The following SECTM1 variants were observed in gnomAD, a reference collection of about 807,000 sequenced individuals.
SECTM1 encodes secreted and transmembrane 1, also known as secreted and transmembrane protein 1.
In SECTM1, 10 loss-of-function variants were observed where a neutral mutation model predicts 18.1. The ratio of observed to expected loss-of-function variants is 0.55; its 90% CI spans 0.34 to 0.94. SECTM1 has a LOEUF of 0.94. SECTM1 is among the 40% of genes least tolerant of loss of function. SECTM1 has a pLI of 0.02. For missense variants in SECTM1, 297 were observed against 322.6 expected, an observed-to-expected ratio of 0.92 and a Z score of 0.61; for synonymous variants, 137 against 139.2, an observed-to-expected ratio of 0.98 and a Z score of 0.11.
rs1036820429 is a variant in SECTM1, at chr17:82,325,783, G to A, written c.95-893C>T. Among the ~76,000 whole-genome samples, 17 of 152,212 alleles carry A rather than the reference G, an allele frequency of 1.1e-4. No individual in the cohort carries two copies. The highest frequency in any genetic ancestry group is 2.1e-4 in the Non-Finnish European group (14 of 68,030). ...CTGCTACTGTCCCTGCTGCGTCAGC[G>A]TCCACCAGTGACTGGACACGGACGG... On this transcript the variant is annotated intron_variant, in intron 2 of 4. Transcript: ENST00000269389. The surrounding 1 kb of genome is among the most constrained non-coding windows in gnomAD (Gnocchi z 7.6).
At chr17:82,331,734 C>G (rs1029498092) in intron 1 of SECTM1, among the ~76,000 whole-genome samples, 1 of 152,246 alleles carries the variant, frequency 6.6e-6, no homozygotes, top group Non-Finnish European at 1.5e-5. Flanking sequence ...GGCGCGGCCC[C>G]AGGGAAAGTG....
chr17:82,323,238 C>A, intron 3 of SECTM1: 1 of 558,976 alleles, frequency 1.8e-6, no homozygotes, highest in Non-Finnish European at 3.2e-6. Flanking sequence ...TGTGTCGGGG[C>A]AGCGAGGGAA....
rs142825500 is a variant in SECTM1, at chr17:82,332,397, T to C, written c.-53+1303A>G. On this transcript the variant is annotated intron_variant, in intron 1 of 4. Coordinates refer to ENST00000269389, the MANE Select transcript of SECTM1 (RefSeq NM_003004.3). ...CTCCCTGGTGCCCCGGGCGCCTGCC[T>C]GTCCCGGCTCCCATGGGTGCTGGGT... is the stretch of plus-strand genomic sequence containing the variant. Among the ~76,000 whole-genome samples, 484 of 152,270 alleles carry C rather than the reference T, an allele frequency of 3.2e-3. 10 individuals carry two copies. The highest frequency in any genetic ancestry group is 4.1e-3 in the Non-Finnish European group (280 of 68,016).
chr17:82,333,390 G>A (rs2052207880), intron 1 of SECTM1, among the ~76,000 whole-genome samples: 1 of 152,068 alleles, frequency 6.6e-6, no homozygotes, highest in Admixed American at 6.5e-5. Context: ...TCCCCACACC[G>A]GCCGGCAGCT....
rs1210469494 is a variant in SECTM1, at chr17:82,321,876, G to A, written c.*285C>T. 1.6e-5 allele frequency: 7 copies of A among 430,224 alleles called. No individual in the cohort carries two copies. The highest frequency in any genetic ancestry group is 9.7e-5 in the South Asian group (4 of 41,058). The allele number at this position is 430,224 out of a possible 1,614,324, so 26.7% of individuals were successfully genotyped here. On this transcript the variant is annotated 3_prime_UTR_variant, in exon 5 of 5. Transcript: ENST00000269389. ...CCTGGGGTGGCAGAAAGGGAGTCCG[G>A]GTCTGTGGGTTTGATGAGGGCAGAG...
Position 82,330,659 on chromosome 17 carries a change from T to C in SECTM1, c.-53+3041A>G, listed in dbSNP as rs901639691. ...GTGTCCCAAGTCTGCCCGCTGTGCATTCCATGGGGCCAGCAGCTCGGTGGA... is the reference window on the plus strand; with the variant it reads ...GTGTCCCAAGTCTGCCCGCTGTGCACTCCATGGGGCCAGCAGCTCGGTGGA... On this transcript the variant is annotated intron_variant, in intron 1 of 4. Coordinates refer to ENST00000269389, the MANE Select transcript of SECTM1 (RefSeq NM_003004.3). This position sits in a 1 kb window ranked among gnomAD's most constrained non-coding sequence, Gnocchi z 6.1. Among the ~76,000 whole-genome samples the C allele has an allele frequency of 6.6e-6, 1 of 151,842 alleles. No individual in the cohort carries two copies. The highest frequency in any genetic ancestry group is 6.5e-5 in the Admixed American group (1 of 15,268).
Position 82,330,236 on chromosome 17 carries a change from AC to A in SECTM1, c.-52-2945del, listed in dbSNP as rs1399508156. Among the ~76,000 whole-genome samples the A allele has an allele frequency of 6.6e-6, 1 of 152,026 alleles. No homozygotes were observed. The highest frequency in any genetic ancestry group is 2.4e-5 in the African/African-American group (1 of 41,384). ...CACTGCTCTCCGCACCACCCCGCCGACCGTGTCCGGGAGGGGATGCCCTGCT... is the reference window on the plus strand; with the variant it reads ...CACTGCTCTCCGCACCACCCCGCCGACGTGTCCGGGAGGGGATGCCCTGCT... On this transcript the variant is annotated intron_variant, in intron 1 of 4. Transcript: ENST00000269389. The surrounding 1 kb of genome is among the most constrained non-coding windows in gnomAD (Gnocchi z 6.1).
At chr17:82,333,443 G>C (rs1346237114) in intron 1 of SECTM1, among the ~76,000 whole-genome samples, 1 of 152,104 alleles carries the variant, frequency 6.6e-6, no homozygotes, top group Non-Finnish European at 1.5e-5. Context: ...GACCCCGCCC[G>C]CCTGGCCTGC....
At chr17:82,323,115 G>T in intron 3 of SECTM1, 104 bp from the exon 4 acceptor site, 1 of 1,336,924 alleles carries the variant, frequency 7.5e-7, no homozygotes, top group Middle Eastern at 1.9e-4. Context: ...TCCCTGGGGT[G>T]AGAATGAGCC....
At position 82,322,223 on chromosome 17, in the gene SECTM1, G is replaced by A; in HGVS notation, c.685C>T (p.Pro229Ser). 6.2e-7 allele frequency: 1 copy of A among 1,612,970 alleles called. No homozygotes were observed. The highest frequency in any genetic ancestry group is 8.5e-7 in the Non-Finnish European group (1 of 1,179,386). ...GACAGCAGCTCCAGGGCTCCAAGTG[G>A]TGAGGGTTTGAACACCAGTGCCAGC... ...RPLALVFKPS[P>S]LGALELLSPQ... The change falls in exon 5 of 5, where the codon CCA becomes TCA. Residue 229 changes from proline to serine, a missense_variant. Coordinates refer to ENST00000269389, the MANE Select transcript of SECTM1 (RefSeq NM_003004.3).
In SECTM1 at chr17:82,330,156, C is replaced by T. The variant is rs1382964222; in HGVS notation, c.-52-2864G>A. ...TCCACGATGCCAGCTCAGCCACCCACCTTGGAACCGTGCAGATGGACAGCA... is the reference window on the plus strand; with the variant it reads ...TCCACGATGCCAGCTCAGCCACCCATCTTGGAACCGTGCAGATGGACAGCA... On this transcript the variant is annotated intron_variant, in intron 1 of 4. Coordinates refer to ENST00000269389, the MANE Select transcript of SECTM1 (RefSeq NM_003004.3). The surrounding 1 kb of genome is among the most constrained non-coding windows in gnomAD (Gnocchi z 6.1). Among the ~76,000 whole-genome samples, 1 of 152,192 alleles carries T rather than the reference C, an allele frequency of 6.6e-6. No individual in the cohort carries two copies. Among genetic ancestry groups the T allele is most frequent in the Non-Finnish European group, 1.5e-5 (1 of 68,018 alleles).
In SECTM1 at chr17:82,333,749, C is replaced by CG. The variant is rs1403805453; in HGVS notation, c.-103dup. On this transcript the variant is annotated 5_prime_UTR_variant, in exon 1 of 5. Transcript: ENST00000269389. ...TCTGGGATGCAGCTTCTCCGCGCCC[C>CG]GGAGCCCCAGGAAAATGAAAGACAC... 6.6e-6 allele frequency: 1 copy of CG among 152,510 alleles called. No homozygotes were observed. The highest frequency in any genetic ancestry group is 2.4e-5 in the African/African-American group (1 of 41,404). The allele number at this position is 152,510 out of a possible 1,614,324, so 9.4% of individuals were successfully genotyped here.
At chr17:82,327,405 C>T (rs893274035) in intron 1 of SECTM1, 113 bp from the exon 2 acceptor site, 20 of 629,346 alleles carry the variant, frequency 3.2e-5, no homozygotes, top group Non-Finnish European at 5.7e-5. Flanking sequence ...AGCTCTTCCC[C>T]GACCTGCTCT....
rs2052136311 is a variant in SECTM1 at position 82,325,255 on chromosome 17, C to T, written c.95-365G>A. ...TGTGTGCCGGGCGGCTGCGCTGTGG[C>T]AGGAGTGCTGCCACTGACCTGCCGA... On this transcript the variant is annotated intron_variant, in intron 2 of 4. Coordinates refer to ENST00000269389, the MANE Select transcript of SECTM1 (RefSeq NM_003004.3). This position sits in a 1 kb window ranked among gnomAD's most constrained non-coding sequence, Gnocchi z 7.6. Among the ~76,000 whole-genome samples the T allele has an allele frequency of 6.6e-6, 1 of 152,182 alleles. No individual in the cohort carries two copies. Among genetic ancestry groups the T allele is most frequent in the Non-Finnish European group, 1.5e-5 (1 of 68,024 alleles).
chr17:82,324,556 C>T, intron 3 of SECTM1, 26 bp downstream of exon 3: 1 of 1,572,242 alleles, frequency 6.4e-7, no homozygotes, highest in Non-Finnish European at 8.7e-7. Context: ...CTCCCCTCCC[C>T]CTTGCTTCCC....
In SECTM1 at chr17:82,328,008, C is replaced by T. The variant is rs2052161897; in HGVS notation, c.-52-716G>A. On this transcript the variant is annotated intron_variant, in intron 1 of 4. Transcript: ENST00000269389. This position sits in a 1 kb window ranked among gnomAD's most constrained non-coding sequence, Gnocchi z 5.8. ...TGTCCATCAGCCTCCCCGGCCTGTC[C>T]ACCAGCCCCCCCACCACCCTGCCCG... The T allele has an allele frequency of 6.9e-6, 1 of 145,120 alleles. No homozygotes were observed. The highest frequency in any genetic ancestry group is 2.5e-5 in the African/African-American group (1 of 39,658). The allele number at this position is 145,120 out of a possible 1,614,324, so 9.0% of individuals were successfully genotyped here.
In SECTM1 at chr17:82,330,684, A is replaced by G. The variant is rs2052184379; in HGVS notation, c.-53+3016T>C. 6.7e-6 allele frequency among the ~76,000 whole-genome samples: 1 copy of G among 150,040 alleles called. No homozygotes were observed. The highest frequency in any genetic ancestry group is 1.5e-5 in the Non-Finnish European group (1 of 67,400). ...TTCCATGGGGCCAGCAGCTCGGTGG[A>G]GCCTCTGCTCTCGGGGGCTACAGCT... is the stretch of plus-strand genomic sequence containing the variant. On this transcript the variant is annotated intron_variant, in intron 1 of 4. Transcript: ENST00000269389. The surrounding 1 kb of genome is among the most constrained non-coding windows in gnomAD (Gnocchi z 6.1).
Position 82,327,307 on chromosome 17 carries a change from G to A in SECTM1, c.-52-15C>T. On this transcript the variant is annotated splice_polypyrimidine_tract_variant and intron_variant, in intron 1 of 4. Transcript: ENST00000269389. ...TGAAACACTCCCTGGAGGAAGGAAA[G>A]CCCATGGGTCAGAGCCCCCTGCAGC... 1.4e-6 allele frequency: 2 copies of A among 1,426,610 alleles called. No homozygotes were observed. The highest frequency in any genetic ancestry group is 2.1e-5 in the Admixed American group (1 of 48,758). 88.4% of individuals were successfully genotyped at this position (1,426,610 alleles called of 1,614,324 possible).
In SECTM1 at chr17:82,322,274, G is replaced by C; in HGVS notation, c.634C>G (p.Pro212Ala). The change falls in exon 5 of 5, where the codon CCA becomes GCA. Residue 212 changes from proline to alanine, a missense_variant. Pro to Ala is a conservative substitution (Grantham distance 27). Coordinates refer to ENST00000269389, the MANE Select transcript of SECTM1 (RefSeq NM_003004.3). ...LSRASAELWT[P>A]DSEPTPRPLA... Reference sequence around the variant, plus strand: ...GGCCTTGGGGTGGGCTCGGAGTCTGGGGTCCACAGTTCAGCGGAGGCTCTG... The same window carrying C: ...GGCCTTGGGGTGGGCTCGGAGTCTGCGGTCCACAGTTCAGCGGAGGCTCTG... 1 of 1,611,038 alleles carries C rather than the reference G, an allele frequency of 6.2e-7. No individual in the cohort carries two copies. The highest frequency in any genetic ancestry group is 1.3e-5 in the African/African-American group (1 of 74,956).
Sources: gnomAD v4.1 joint callset for allele counts (sites outside exome capture counted in the v4.1 genomes callset) on GRCh38, gnomAD v4.1.1 for gene constraint, Gnocchi (gnomAD v3.1) non-coding constraint, MANE v1.5 for transcripts, NCBI Gene and HGNC (gene_info 2026-07-23, HGNC 2026-07-21) for gene names.